The following CPED1 variants were observed in gnomAD, a reference collection of about 807,000 sequenced individuals.
The protein encoded by CPED1 is cadherin like and PC-esterase domain containing 1, also known as cadherin-like and PC-esterase domain-containing protein 1.
Under a neutral mutation model 128.2 loss-of-function variants are expected in CPED1, and 114 were observed. The observed-to-expected ratio is 0.89, with a 90% CI of 0.76 to 1.04. The LOEUF (loss-of-function observed/expected upper bound fraction) is 1.04. CPED1 is among the 50% of genes least tolerant of loss of function. CPED1 has a pLI of 0.00. For missense variants in CPED1, 1,211 were observed against 1,207.1 expected, an observed-to-expected ratio of 1.00 and a Z score of -0.05; for synonymous variants, 462 against 426.7, an observed-to-expected ratio of 1.08 and a Z score of -1.02.
intron 22 of CPED1, among the ~76,000 whole-genome samples, chr7:121,289,403 A>G (rs1668626390): frequency 1.3e-5 from 2 of 152,216 alleles, no homozygotes; most frequent in Admixed American, 1.3e-4. Flanking sequence ...TTACAAGAAT[A>G]CATTAAAAAT....
chr7:121,026,223 C>G (rs1032746449), intron 3 of CPED1, among the ~76,000 whole-genome samples: 1 of 152,176 alleles, frequency 6.6e-6, no homozygotes, highest in Non-Finnish European at 1.5e-5. Flanking sequence ...GACTTGCTTA[C>G]TTAGGTGAAC....
At chr7:121,265,191 G>T (rs1792099044) in intron 18 of CPED1, among the ~76,000 whole-genome samples, 1 of 152,034 alleles carries the variant, frequency 6.6e-6, no homozygotes, top group Non-Finnish European at 1.5e-5. Flanking sequence ...TAGCAGAAAA[G>T]TAGAAGTCTA....
intron 2 of CPED1, among the ~76,000 whole-genome samples, chr7:121,007,930 T>C (rs1009245697): frequency 6.6e-6 from 1 of 152,058 alleles, no homozygotes; most frequent in Non-Finnish European, 1.5e-5. Flanking sequence ...GTCTCAGGCA[T>C]CCCTCTTATG....
At chr7:121,235,919 T>C (rs1202591654) in intron 16 of CPED1, among the ~76,000 whole-genome samples, 3 of 152,160 alleles carry the variant, frequency 2.0e-5, no homozygotes, top group East Asian at 1.9e-4. Context: ...CCAATCTAGA[T>C]GATAGGCTTT....
chr7:121,114,222 G>A (rs563320811), intron 7 of CPED1, among the ~76,000 whole-genome samples: 50 of 152,258 alleles, frequency 3.3e-4, no homozygotes, highest in African/African-American at 1.2e-3. Context: ...TAGTGAAGAC[G>A]ACAGAACTAA....
At chr7:121,272,320 G>A (rs571457396) in intron 22 of CPED1, among the ~76,000 whole-genome samples, 3 of 152,108 alleles carry the variant, frequency 2.0e-5, no homozygotes, top group African/African-American at 7.2e-5. Context: ...AGGACAAGAA[G>A]AGTCTTATTT....
intron 15 of CPED1, among the ~76,000 whole-genome samples, chr7:121,141,296 G>A (rs2177578): frequency 0.43 from 65,277 of 151,832 alleles, 15,538 homozygotes; most frequent in East Asian, 0.84. Flanking sequence ...TAACATTCTC[G>A]AAGATGTCAA....
intron 22 of CPED1, among the ~76,000 whole-genome samples, chr7:121,273,701 A>G (rs752177222): frequency 6.6e-6 from 1 of 152,116 alleles, no homozygotes; most frequent in Non-Finnish European, 1.5e-5. Flanking sequence ...AGAACATGAC[A>G]TTTTAAATTT....
intron 16 of CPED1, among the ~76,000 whole-genome samples, chr7:121,171,363 G>C (rs1189559683): frequency 6.6e-6 from 1 of 152,058 alleles, no homozygotes; most frequent in Non-Finnish European, 1.5e-5. Context: ...GTAATGTCTA[G>C]AGTTAGAGGA....
intron 5 of CPED1, among the ~76,000 whole-genome samples, chr7:121,070,624 C>G (rs1041581451): frequency 2.0e-5 from 3 of 152,102 alleles, no homozygotes; most frequent in African/African-American, 7.2e-5. Flanking sequence ...CAATGAATTT[C>G]TAATTGGTAG....
chr7:121,065,945 G>A (rs1238676335), intron 5 of CPED1, among the ~76,000 whole-genome samples: 1 of 151,948 alleles, frequency 6.6e-6, no homozygotes, highest in Non-Finnish European at 1.5e-5. Flanking sequence ...TACACGTGTA[G>A]CTTTAAAGAA....
At chr7:121,151,069 A>G (rs957523500) in intron 16 of CPED1, among the ~76,000 whole-genome samples, 2 of 152,034 alleles carry the variant, frequency 1.3e-5, no homozygotes, top group East Asian at 3.9e-4. Context: ...TGGCTGATGT[A>G]TTTTTTAAAG....
chr7:121,184,631 T>C (rs764807536), intron 16 of CPED1, among the ~76,000 whole-genome samples: 4 of 152,186 alleles, frequency 2.6e-5, no homozygotes, highest in Non-Finnish European at 4.4e-5. Context: ...TTCTGAGTTA[T>C]ACTCTGTGTA....
chr7:121,097,593 A>G, intron 5 of CPED1, 106 bp from the exon 6 acceptor site: 1 of 1,259,158 alleles, frequency 7.9e-7, no homozygotes, highest in Non-Finnish European at 1.1e-6. Context: ...AAATGGTTGC[A>G]TATTTCTCAT....
intron 16 of CPED1, among the ~76,000 whole-genome samples, chr7:121,155,746 A>G (rs1796269107): frequency 6.6e-6 from 1 of 152,332 alleles, no homozygotes; most frequent in Non-Finnish European, 1.5e-5. Flanking sequence ...CTGAAACTAT[A>G]AACTAGCAGA....
chr7:121,080,384 T>C (rs6976513), intron 5 of CPED1, among the ~76,000 whole-genome samples: 137,073 of 152,210 alleles, frequency 0.9, 61,760 homozygotes, highest in Middle Eastern at 0.99. Context: ...TCCTGAACCA[T>C]TATGTTTGCA....
chr7:121,072,247 C>A (rs547057362), intron 5 of CPED1, among the ~76,000 whole-genome samples: 1 of 151,444 alleles, frequency 6.6e-6, no homozygotes, highest in Admixed American at 6.6e-5. Flanking sequence ...CCTAGGATGC[C>A]TTCCTCACTT....
intron 18 of CPED1, chr7:121,261,570 T>A: frequency 1.3e-6 from 2 of 1,570,984 alleles, no homozygotes; most frequent in Non-Finnish European, 1.7e-6. Flanking sequence ...TCAGGAATGA[T>A]GTGACCAGCT....
chr7:121,157,300 G>T (rs1796309488), intron 16 of CPED1, among the ~76,000 whole-genome samples: 1 of 152,144 alleles, frequency 6.6e-6, no homozygotes, highest in Non-Finnish European at 1.5e-5. Context: ...GCCTTTAAAA[G>T]CCCACTTAAT....
Sources: allele counts gnomAD v4.1 joint callset (sites outside exome capture counted in the v4.1 genomes callset), GRCh38; gene constraint gnomAD v4.1.1; transcripts MANE v1.5; gene names NCBI Gene and HGNC (gene_info 2026-07-23, HGNC 2026-07-21).